Variants in QTGAL observed in about 807,000 individuals in gnomAD.
QTGAL encodes the protein queuosine-tRNA galactosyltransferase, also known as BGnT-like protein 1.
At chr17:83,042,804 G>A in the QTGAL span, among the ~76,000 whole-genome samples, 1 of 152,318 alleles carries the variant, frequency 6.6e-6, no homozygotes, top group Admixed American at 6.5e-5. Flanking sequence ...TCTATATGAG[G>A]AATTCACTTC....
At chr17:83,025,510 T>C in the QTGAL span, among the ~76,000 whole-genome samples, 3 of 3,682 alleles carry the variant, frequency 8.1e-4, no homozygotes, top group African/African-American at 2.8e-3. Context: ...CACACACACA[T>C]AGAAACTGTG....
chr17:83,051,648 AC>A, the QTGAL span: 23 of 1,251,358 alleles, frequency 1.8e-5, 1 homozygote, highest in Non-Finnish European at 2.4e-5. Context: ...GGGGCTGCGA[AC>A]CCCGGAGCGA....
At chr17:83,012,587 C>CA in the QTGAL span, among the ~76,000 whole-genome samples, 1 of 152,206 alleles carries the variant, frequency 6.6e-6, no homozygotes, top group African/African-American at 2.4e-5. Flanking sequence ...CTCCACCTTC[C>CA]AGTCCACAGG....
chr17:82,965,565 G>A, the QTGAL span: 47 of 1,329,430 alleles, frequency 3.5e-5, no homozygotes, highest in South Asian at 1.7e-4. Context: ...ATGGCAAGGC[G>A]GAGGGTGGCC....
At chr17:83,017,806 C>T in the QTGAL span, among the ~76,000 whole-genome samples, 2 of 151,854 alleles carry the variant, frequency 1.3e-5, no homozygotes, top group African/African-American at 4.8e-5. Context: ...TCCATGAACA[C>T]CGTGCGCCTG....
At chr17:82,956,876 G>A in the QTGAL span, 1 of 1,303,190 alleles carries the variant, frequency 7.7e-7, no homozygotes, top group Non-Finnish European at 1.1e-6. The surrounding 1 kb of genome is among the most constrained non-coding windows in gnomAD (Gnocchi z 5.7). Flanking sequence ...AGGAGCCAGG[G>A]CTTGGGCAGC....
chr17:83,011,233 C>T, the QTGAL span, among the ~76,000 whole-genome samples: 9 of 152,218 alleles, frequency 5.9e-5, no homozygotes, highest in Non-Finnish European at 1.2e-4. Context: ...CCCTCAGGAA[C>T]GGGGGCAAGT....
chr17:82,983,746 C>A, the QTGAL span, among the ~76,000 whole-genome samples: 1 of 152,016 alleles, frequency 6.6e-6, no homozygotes, highest in Non-Finnish European at 1.5e-5. Flanking sequence ...AGGGCAGGGG[C>A]CCCGGGGCGG....
chr17:82,951,818 C>G, the QTGAL span, among the ~76,000 whole-genome samples: 48 of 139,744 alleles, frequency 3.4e-4, no homozygotes, highest in Admixed American at 6.8e-4. Context: ...TGGGGGGGAG[C>G]GGGGAGGCGA....
chr17:83,034,799 G>C, the QTGAL span, among the ~76,000 whole-genome samples: 1 of 152,194 alleles, frequency 6.6e-6, no homozygotes, highest in Admixed American at 6.5e-5. Flanking sequence ...AGACATGCGC[G>C]ACTGTGAGAC....
chr17:83,032,899 C>T, the QTGAL span, among the ~76,000 whole-genome samples: 1 of 152,232 alleles, frequency 6.6e-6, no homozygotes, highest in African/African-American at 2.4e-5. Flanking sequence ...GGGCACGCCT[C>T]TCCCAAACTT....
At chr17:83,033,137 T>C in the QTGAL span, among the ~76,000 whole-genome samples, 2 of 152,240 alleles carry the variant, frequency 1.3e-5, no homozygotes, top group Admixed American at 1.3e-4. Context: ...TATTTTAAAG[T>C]AATTTTTAAA....
the QTGAL span, among the ~76,000 whole-genome samples, chr17:83,021,134 A>C: frequency 1.3e-5 from 2 of 152,224 alleles, no homozygotes; most frequent in Non-Finnish European, 2.9e-5. Flanking sequence ...TTCATAATGA[A>C]AATGATGAAA....
chr17:82,967,505 A>G, the QTGAL span, among the ~76,000 whole-genome samples: 4 of 152,094 alleles, frequency 2.6e-5, no homozygotes, highest in East Asian at 1.9e-4. Flanking sequence ...ATTTGTCCCC[A>G]GGAACATTTG....
chr17:82,996,383 A>G, the QTGAL span, among the ~76,000 whole-genome samples: 1 of 152,026 alleles, frequency 6.6e-6, no homozygotes, highest in African/African-American at 2.4e-5. Flanking sequence ...TTAGCTGGGT[A>G]TGGTGGTGCG....
chr17:83,007,307 C>T, the QTGAL span: 275 of 983,808 alleles, frequency 2.8e-4, no homozygotes, highest in Non-Finnish European at 3.2e-4. Flanking sequence ...CACACCCAAT[C>T]TGACCGAGAT....
At chr17:82,942,265 C>T in the QTGAL span, 282 of 739,784 alleles carry the variant, frequency 3.8e-4, 2 homozygotes, top group African/African-American at 4.2e-3. Flanking sequence ...TCCGAGGACA[C>T]GTTAGTCATG....
the QTGAL span, chr17:82,942,648 A>C: frequency 2.9e-6 from 2 of 691,598 alleles, no homozygotes; most frequent in African/African-American, 1.8e-5. Context: ...CTTGGGGTGG[A>C]CGCCTCTGCC....
the QTGAL span, among the ~76,000 whole-genome samples, chr17:82,986,939 G>C: frequency 2.0e-5 from 3 of 152,128 alleles, no homozygotes; most frequent in Admixed American, 6.5e-5. Flanking sequence ...GGCTGCCCCC[G>C]CTCCTCCCTG....
Sources: allele counts gnomAD v4.1 joint callset (sites outside exome capture counted in the v4.1 genomes callset), GRCh38; gene constraint gnomAD v4.1.1; non-coding constraint Gnocchi (gnomAD v3.1); transcripts MANE v1.5; gene names NCBI Gene and HGNC (gene_info 2026-07-23, HGNC 2026-07-21).